TXLNB: variants seen among roughly 807,000 people sequenced by gnomAD.
TXLNB encodes the protein taxilin beta.
In TXLNB, 37 loss-of-function variants were observed where a neutral mutation model predicts 57.4. The observed-to-expected ratio is 0.64, with a 90% CI of 0.50 to 0.85. The LOEUF (loss-of-function observed/expected upper bound fraction) is 0.85, where lower values mean the gene tolerates loss of function less well. Among genes scored for constraint, TXLNB ranks in the 40% least tolerant of loss-of-function variants. The pLI, the probability that TXLNB is intolerant of heterozygous loss-of-function variation, is 0.00. For missense variants in TXLNB, 848 were observed against 825.6 expected, an observed-to-expected ratio of 1.03 and a Z score of -0.33; for synonymous variants, 302 against 309.6, an observed-to-expected ratio of 0.98 and a Z score of 0.26.
the TXLNB span, among the ~76,000 whole-genome samples, chr6:139,224,157 GA>G: frequency 6.6e-6 from 1 of 150,642 alleles, no homozygotes. Context: ...GGACATGGAT[GA>G]AATTGGAAAT....
the TXLNB span, among the ~76,000 whole-genome samples, chr6:139,223,148 T>C: frequency 1.3e-5 from 2 of 152,168 alleles, no homozygotes; most frequent in Admixed American, 6.5e-5. Flanking sequence ...AATTAAACTA[T>C]TAATTAAAAG....
At chr6:139,267,137 G>C (rs971785649) in intron 4 of TXLNB, among the ~76,000 whole-genome samples, 1 of 152,050 alleles carries the variant, frequency 6.6e-6, no homozygotes, top group Non-Finnish European at 1.5e-5. Flanking sequence ...AGTACTTCAG[G>C]CTGAGGGAAA....
At chr6:139,276,720 G>T in intron 3 of TXLNB, 110 bp downstream of exon 3, 1 of 785,370 alleles carries the variant, frequency 1.3e-6, no homozygotes, top group Non-Finnish European at 2.1e-6. Context: ...GACCTCAGAT[G>T]TTGCTGTTTA....
At chr6:139,322,566 T>A in the TXLNB span, among the ~76,000 whole-genome samples, 1 of 152,220 alleles carries the variant, frequency 6.6e-6, no homozygotes, top group Non-Finnish European at 1.5e-5. Context: ...CTTTAGTTAC[T>A]CAGATCAAAA....
chr6:139,215,162 A>G, the TXLNB span, among the ~76,000 whole-genome samples: 4 of 152,180 alleles, frequency 2.6e-5, no homozygotes, highest in African/African-American at 9.7e-5. Flanking sequence ...AAAAGCCCGC[A>G]TTGCCAAGTC....
At chr6:139,171,186 G>A in the TXLNB span, among the ~76,000 whole-genome samples, 1 of 152,028 alleles carries the variant, frequency 6.6e-6, no homozygotes, top group African/African-American at 2.4e-5. Context: ...AACAGTGGTG[G>A]TTAAAATCCT....
chr6:139,313,846 G>T, the TXLNB span, among the ~76,000 whole-genome samples: 1 of 152,086 alleles, frequency 6.6e-6, no homozygotes, highest in Admixed American at 6.5e-5. Flanking sequence ...CCAGCCAAGG[G>T]CATTCCAAAG....
the TXLNB span, among the ~76,000 whole-genome samples, chr6:139,216,073 T>G: frequency 6.6e-5 from 10 of 152,286 alleles, no homozygotes; most frequent in Non-Finnish European, 1.0e-4. Context: ...TGGCGATTCC[T>G]CAGGGATCTA....
At chr6:139,300,987 C>T in the TXLNB span, among the ~76,000 whole-genome samples, 1,254 of 152,320 alleles carry the variant, frequency 8.2e-3, 25 homozygotes, top group African/African-American at 0.029. Context: ...CTTCTTTAAA[C>T]TGTTTCAGGG....
chr6:139,212,413 C>T, the TXLNB span, among the ~76,000 whole-genome samples: 1 of 152,124 alleles, frequency 6.6e-6, no homozygotes, highest in African/African-American at 2.4e-5. Flanking sequence ...AAATACTTCA[C>T]AGACAAGCAA....
At chr6:139,292,915 C>T (rs1289874697), upstream of TXLNB, among the ~76,000 whole-genome samples, 1 of 152,178 alleles carries the variant, frequency 6.6e-6, no homozygotes, top group Non-Finnish European at 1.5e-5. This position sits in a 1 kb window ranked among gnomAD's most constrained non-coding sequence, Gnocchi z 4.0. Flanking sequence ...ACAGGCTAGG[C>T]ATAGTGGCAT....
chr6:139,280,266 A>AG lies in TXLNB; in HGVS notation c.425-3346_425-3345insC, dbSNP rs1554227040. ...ACTCTCTCTCTAAAAAAAAAAAAAA[A>AG]AAAAAAAAAGAAAGAAAGAAAGAAA... On this transcript the variant is annotated intron_variant, in intron 2 of 9. Transcript: ENST00000358430. 7.1e-3 allele frequency among the ~76,000 whole-genome samples: 1,033 copies of AG among 146,508 alleles called. 9 individuals carry two copies. Among genetic ancestry groups the AG allele is most frequent in the African/African-American group, 0.024 (947 of 39,556 alleles).
chr6:139,160,560 C>T, the TXLNB span, among the ~76,000 whole-genome samples: 1 of 152,162 alleles, frequency 6.6e-6, no homozygotes, highest in Non-Finnish European at 1.5e-5. Context: ...ACTATAGGCA[C>T]ATGCCACTGA....
chr6:139,317,162 T>C, the TXLNB span, among the ~76,000 whole-genome samples: 1 of 152,154 alleles, frequency 6.6e-6, no homozygotes, highest in Non-Finnish European at 1.5e-5. Flanking sequence ...TCCAAGGACC[T>C]CTTATATTTT....
At chr6:139,263,821 G>C (rs1776547218) in intron 4 of TXLNB, among the ~76,000 whole-genome samples, 1 of 152,108 alleles carries the variant, frequency 6.6e-6, no homozygotes, top group South Asian at 2.1e-4. Context: ...TTGCTTCGTT[G>C]TTGGCAAGTA....
the TXLNB span, among the ~76,000 whole-genome samples, chr6:139,162,056 C>T: frequency 6.6e-6 from 1 of 152,054 alleles, no homozygotes; most frequent in Non-Finnish European, 1.5e-5. Flanking sequence ...ATCTTTAATG[C>T]GACTTTTTTC....
intron 1 of TXLNB, among the ~76,000 whole-genome samples, chr6:139,290,901 T>C (rs551185478): frequency 2.0e-5 from 3 of 152,370 alleles, no homozygotes; most frequent in African/African-American, 7.2e-5. Flanking sequence ...GTCAATTGAA[T>C]GCTCAGACAC....
At chr6:139,297,360 T>A in the TXLNB span, among the ~76,000 whole-genome samples, 5 of 152,178 alleles carry the variant, frequency 3.3e-5, no homozygotes, top group Admixed American at 6.5e-5. Flanking sequence ...ATAAAAAGCA[T>A]CAGCATTGGA....
In TXLNB at chr6:139,288,494, T is replaced by C; in HGVS notation, c.406A>G (p.Lys136Glu). Residue 136 changes from lysine (K) to glutamate (E), a missense_variant, in exon 2 of 10, where the codon AAA becomes GAA. Coordinates refer to ENST00000358430, the MANE Select transcript of TXLNB (RefSeq NM_153235.4). Reference sequence around the variant, plus strand: ...TACTTGCCTAATCCTTTTAGGATTTTCTTTTCCAATTTTTGCTCCTTATTG... The same window carrying C: ...TACTTGCCTAATCCTTTTAGGATTTCCTTTTCCAATTTTTGCTCCTTATTG... ...VSNKEQKLEK[K>E]ILKGLGKEAN... 6.2e-7 allele frequency: 1 copy of C among 1,614,098 alleles called. No homozygotes were observed. Among genetic ancestry groups the C allele is most frequent in the Non-Finnish European group, 8.5e-7 (1 of 1,179,990 alleles).
Sources: allele counts gnomAD v4.1 joint callset (sites outside exome capture counted in the v4.1 genomes callset), GRCh38; gene constraint gnomAD v4.1.1; non-coding constraint Gnocchi (gnomAD v3.1); transcripts MANE v1.5; gene names NCBI Gene and HGNC (gene_info 2026-07-23, HGNC 2026-07-21).